The following PRDM10 variants were observed in gnomAD, a reference collection of about 807,000 sequenced individuals.
PRDM10 encodes the protein PR/SET domain 10.
Under a neutral mutation model 133.1 loss-of-function variants are expected in PRDM10, and 65 were observed. That is an observed-to-expected ratio of 0.49 (90% CI 0.40 to 0.60). The LOEUF is 0.60. Ranked by LOEUF, PRDM10 falls within the 20% of genes least tolerant of loss-of-function variation. PRDM10 has a pLI of 0.00. For synonymous variants in PRDM10, 582 were observed against 580.4 expected (o/e 1.00, Z -0.04); for missense variants, 1,137 against 1,507.1 (o/e 0.75, Z 4.07).
chr11:129,971,617 G>T (rs1044112076), intron 1 of PRDM10, among the ~76,000 whole-genome samples: 1 of 151,088 alleles, frequency 6.6e-6, no homozygotes, highest in Non-Finnish European at 1.5e-5. Flanking sequence ...GTTCTCCAAG[G>T]CCCCACCAGA....
intron 9 of PRDM10, among the ~76,000 whole-genome samples, chr11:129,933,892 C>T (rs904785776): frequency 4.6e-5 from 7 of 152,146 alleles, no homozygotes; most frequent in African/African-American, 7.2e-5. Context: ...ACTGCCCACT[C>T]GGACACTACC....
intron 17 of PRDM10, among the ~76,000 whole-genome samples, chr11:129,913,470 G>T (rs1950257178): frequency 2.6e-5 from 4 of 152,136 alleles, no homozygotes; most frequent in Admixed American, 2.0e-4. Context: ...AAGTTGTCAG[G>T]AATCAAAAAT....
chr11:129,902,548 T>C lies in PRDM10; in HGVS notation c.3268-32A>G, dbSNP rs368333479. On this transcript the variant is annotated intron_variant, in intron 20 of 20. Transcript: ENST00000360871. ...GAAGAAGAAAAGGATCCTTAAAAAC[T>C]TGGGGCCTTAAAGGGAGGGTGAAGC... 8.7e-6 allele frequency: 14 copies of C among 1,601,250 alleles called. No individual in the cohort carries two copies. In the South Asian group the frequency reaches 1.0e-4, roughly 11 times the overall value.
intron 13 of PRDM10, among the ~76,000 whole-genome samples, chr11:129,919,434 A>G (rs1950456886): frequency 6.6e-6 from 1 of 152,216 alleles, no homozygotes; most frequent in Non-Finnish European, 1.5e-5. Context: ...TCTAAATCCC[A>G]AAAGAATTTA....
At chr11:129,957,445 G>A (rs564933126) in intron 3 of PRDM10, among the ~76,000 whole-genome samples, 1 of 152,184 alleles carries the variant, frequency 6.6e-6, no homozygotes, top group South Asian at 2.1e-4. Context: ...AGCCTCCCAC[G>A]TAGCTGGGAT....
chr11:129,917,154 A>G lies in PRDM10; in HGVS notation c.2298T>C (p.Arg766=). 1 of 1,612,786 alleles carries G rather than the reference A, an allele frequency of 6.2e-7. No individual in the cohort carries two copies. The highest frequency in any genetic ancestry group is 8.5e-7 in the Non-Finnish European group (1 of 1,178,834). The change falls in exon 15 of 21, where the codon CGT becomes CGC. Residue 766 remains arginine (R), a synonymous_variant. Coordinates refer to ENST00000360871, the MANE Select transcript of PRDM10 (RefSeq NM_199437.2). ...TATCGCAATACTGACAAAAGTAATC[A>G]CGATTGGGTTTTATGATGGGTAGAG... ...ELTLPIIKPN[R]DYFCQYCDKV... is the part of the protein sequence containing the mutation.
At chr11:129,927,973 T>C (rs976047999) in intron 11 of PRDM10, among the ~76,000 whole-genome samples, 1 of 152,176 alleles carries the variant, frequency 6.6e-6, no homozygotes, top group African/African-American at 2.4e-5. Flanking sequence ...TACATATATA[T>C]CAGCTACTCT....
At chr11:129,998,093 AT>A (rs1939154496) in intron 1 of PRDM10, among the ~76,000 whole-genome samples, 1 of 152,254 alleles carries the variant, frequency 6.6e-6, no homozygotes, top group Non-Finnish European at 1.5e-5. Flanking sequence ...GAAATTAATT[AT>A]AATAGTATAT....
chr11:129,951,700 T>A (rs1217199262), intron 4 of PRDM10, among the ~76,000 whole-genome samples: 3 of 152,166 alleles, frequency 2.0e-5, no homozygotes, highest in Non-Finnish European at 4.4e-5. Context: ...CACAACAGAA[T>A]GCTTCTTGAT....
intron 1 of PRDM10, among the ~76,000 whole-genome samples, chr11:129,976,266 C>G (rs1043302347): frequency 1.3e-5 from 2 of 152,088 alleles, no homozygotes; most frequent in African/African-American, 4.8e-5. Flanking sequence ...GCCCTTTATA[C>G]AAGATTTGTG....
chr11:130,001,796 C>G (rs1254872808), intron 1 of PRDM10, among the ~76,000 whole-genome samples: 1 of 152,100 alleles, frequency 6.6e-6, no homozygotes, highest in East Asian at 1.9e-4. Flanking sequence ...AGCCCTCTCC[C>G]GAGCGCCGAC....
chr11:129,930,221 T>C (rs552044468), intron 11 of PRDM10, among the ~76,000 whole-genome samples: 7 of 152,246 alleles, frequency 4.6e-5, no homozygotes, highest in Non-Finnish European at 8.8e-5. Flanking sequence ...GTCTCTTTCA[T>C]CTACTGGAAA....
At chr11:129,941,103 T>C (rs1951190075) in intron 7 of PRDM10, among the ~76,000 whole-genome samples, 1 of 152,242 alleles carries the variant, frequency 6.6e-6, no homozygotes, top group Non-Finnish European at 1.5e-5. Context: ...ACAGAGGTTC[T>C]GCATACCTTT....
At chr11:129,986,769 G>A (rs1938461699) in intron 1 of PRDM10, among the ~76,000 whole-genome samples, 1 of 152,134 alleles carries the variant, frequency 6.6e-6, no homozygotes, top group Non-Finnish European at 1.5e-5. Flanking sequence ...CATGACCCAG[G>A]TGAGGGAAGT....
At chr11:129,990,150 C>A (rs1220633013) in intron 1 of PRDM10, among the ~76,000 whole-genome samples, 2 of 151,870 alleles carry the variant, frequency 1.3e-5, no homozygotes, top group Non-Finnish European at 2.9e-5. Flanking sequence ...TCAAGACCAT[C>A]CTGGCTAACA....
chr11:129,985,809 A>AATATAT lies in PRDM10; in HGVS notation c.-119+16907_-119+16912dup, dbSNP rs1555114095. On this transcript the variant is annotated intron_variant, in intron 1 of 20. Transcript: ENST00000360871. ...AAAAAAAAAAAAAAAAAAAAAAAAA[A>AATATAT]ATATATATATATATATATATATATG... 1.7e-3 allele frequency among the ~76,000 whole-genome samples: 103 copies of AATATAT among 61,082 alleles called. 1 individual carries two copies. Among genetic ancestry groups the AATATAT allele is most frequent in the African/African-American group, 3.6e-3 (44 of 12,268 alleles). The allele number at this position is 61,082 out of a possible 152,430, so 40.1% of individuals were successfully genotyped here.
At chr11:129,931,661 G>A (rs1004474224) in intron 10 of PRDM10, among the ~76,000 whole-genome samples, 1 of 150,986 alleles carries the variant, frequency 6.6e-6, no homozygotes, top group Non-Finnish European at 1.5e-5. Flanking sequence ...TCCGCCTCCC[G>A]GTTCACGCCA....
At chr11:129,995,822 TG>T (rs1939032201) in intron 1 of PRDM10, among the ~76,000 whole-genome samples, 2 of 152,130 alleles carry the variant, frequency 1.3e-5, no homozygotes, top group Non-Finnish European at 2.9e-5. Flanking sequence ...GGCGGGCTCC[TG>T]TAATCCCAGC....
chr11:129,918,440 G>A lies in PRDM10; in HGVS notation c.2214+99C>T, dbSNP rs10894163. On this transcript the variant is annotated intron_variant, in intron 14 of 20. Coordinates refer to ENST00000360871, the MANE Select transcript of PRDM10 (RefSeq NM_199437.2). The surrounding 1 kb of genome is among the most constrained non-coding windows in gnomAD (Gnocchi z 5.3). Reference sequence around the variant, plus strand: ...CTGGACATTGACAAAACCATTGATCGATATAACTTAGGACACAATGCAACA... The same window carrying A: ...CTGGACATTGACAAAACCATTGATCAATATAACTTAGGACACAATGCAACA... The A allele has an allele frequency of 3.1e-3, 4,161 of 1,347,368 alleles. 190 individuals carry two copies. The East Asian group carries it at 0.092, about 30-fold the overall frequency. The allele number at this position is 1,347,368 out of a possible 1,614,324, so 83.5% of individuals were successfully genotyped here.
Sources: allele counts gnomAD v4.1 joint callset (sites outside exome capture counted in the v4.1 genomes callset), GRCh38; gene constraint gnomAD v4.1.1; non-coding constraint Gnocchi (gnomAD v3.1); transcripts MANE v1.5; gene names NCBI Gene and HGNC (gene_info 2026-07-23, HGNC 2026-07-21).